The following GOLGA8A variants were observed in gnomAD, a reference collection of about 807,000 sequenced individuals.
The protein encoded by GOLGA8A is golgin subfamily A member 8A.
A neutral mutation model predicts 22.1 loss-of-function variants in GOLGA8A; 3 were observed. The ratio of observed to expected loss-of-function variants is 0.14; its 90% confidence interval spans 0.06 to 0.35. The LOEUF (loss-of-function observed/expected upper bound fraction) is 0.35. GOLGA8A is among the 10% of genes least tolerant of loss of function. GOLGA8A has a pLI of 1.00. For missense variants in GOLGA8A, 16 were observed against 233.2 expected (o/e 0.07, Z 6.07); for synonymous variants, 7 against 91.7 (o/e 0.08, Z 5.28).
intron 1 of GOLGA8A, among the ~76,000 whole-genome samples, chr15:34,437,167 C>T (rs1424930350): frequency 6.8e-6 from 1 of 147,532 alleles, no homozygotes; most frequent in African/African-American, 2.5e-5. Flanking sequence ...ACCCGCCCGC[C>T]CATCGTGGGA....
chr15:34,427,060 C>T (rs554573577), intron 2 of GOLGA8A, among the ~76,000 whole-genome samples: 9 of 147,808 alleles, frequency 6.1e-5, no homozygotes, highest in South Asian at 4.5e-4. Flanking sequence ...AGGCCGGGCA[C>T]GGTGGCTCAC....
At chr15:34,430,309 C>G (rs1253204481) in intron 2 of GOLGA8A, among the ~76,000 whole-genome samples, 1 of 149,100 alleles carries the variant, frequency 6.7e-6, no homozygotes, top group East Asian at 2.0e-4. Context: ...AAAACGATGA[C>G]ACGCTCCTCT....
intron 2 of GOLGA8A, among the ~76,000 whole-genome samples, chr15:34,435,134 C>T (rs1893443204): frequency 1.3e-5 from 2 of 149,346 alleles, no homozygotes; most frequent in Non-Finnish European, 3.0e-5. Context: ...TGGCAGAGGA[C>T]ACGGAGGAGT....
intron 1 of GOLGA8A, 96 bp downstream of exon 1, chr15:34,437,302 C>A (rs1423490654): frequency 6.9e-6 from 1 of 144,438 alleles, no homozygotes; most frequent in Non-Finnish European, 1.5e-5. Context: ...CCGCAGCTTA[C>A]GCGCCGCCCC....
At chr15:34,430,576 C>A (rs1349365666) in intron 2 of GOLGA8A, among the ~76,000 whole-genome samples, 1 of 149,316 alleles carries the variant, frequency 6.7e-6, no homozygotes, top group Non-Finnish European at 1.5e-5. Flanking sequence ...CATCACTCAG[C>A]TGACAGCTTT....
In GOLGA8A at chr15:34,422,718, C is replaced by T. The variant is rs531602586; in HGVS notation, c.-1123+12665G>A. The stretch of plus-strand genomic sequence containing the variant: ...ACGCTCGCGCTCGTGCGCTTGTGCG[C>T]TCTCTCTCGCTCTCGCTCTCTCTCT... On this transcript the variant is annotated intron_variant, in intron 2 of 24. Coordinates refer to ENST00000359187, the MANE Select transcript of GOLGA8A (RefSeq NM_181077.5). Among the ~76,000 whole-genome samples the T allele has an allele frequency of 2.9e-3, 265 of 91,228 alleles. 32 individuals are homozygous for T. The highest frequency in any genetic ancestry group is 7.4e-3 in the African/African-American group (253 of 34,358). 59.8% of individuals were successfully genotyped at this position (91,228 alleles called of 152,430 possible).
intron 2 of GOLGA8A, among the ~76,000 whole-genome samples, chr15:34,425,035 C>T (rs376780049): frequency 6.8e-6 from 1 of 146,428 alleles, no homozygotes; most frequent in African/African-American, 2.5e-5. Flanking sequence ...TGCAATGAGC[C>T]GTGTTCGCAC....
intron 2 of GOLGA8A, 78 bp downstream of exon 2, chr15:34,435,305 G>A (rs182917168): frequency 6.7e-6 from 1 of 149,538 alleles, no homozygotes; most frequent in East Asian, 2.0e-4. Context: ...GACTTCCTCA[G>A]TTTTGTCTAG....
In GOLGA8A at chr15:34,381,184, A is replaced by G. The variant is rs1891469372; in HGVS notation, c.*227T>C. The G allele has an allele frequency of 2.6e-6, 2 of 763,060 alleles. No homozygotes were observed. The highest frequency in any genetic ancestry group is 2.7e-5 in the East Asian group (1 of 36,458). 47.3% of individuals were successfully genotyped at this position (763,060 alleles called of 1,614,324 possible). ...GCTAATGACCTACAATTATGAAATG[A>G]AAAAAGAAAAATGCTGAAGGATGCC... On this transcript the variant is annotated 3_prime_UTR_variant, in exon 25 of 25. Transcript: ENST00000359187.
In GOLGA8A at chr15:34,381,053, A is replaced by G; in HGVS notation, c.*358T>C. 1 of 379,174 alleles carries G rather than the reference A, an allele frequency of 2.6e-6. No homozygotes were observed. The highest frequency in any genetic ancestry group is 5.0e-6 in the Non-Finnish European group (1 of 199,546). The allele number at this position is 379,174 out of a possible 1,614,324, so 23.5% of individuals were successfully genotyped here. A position where few individuals can be genotyped will look rare whatever the true frequency, so the allele number is the denominator to read the frequency against. ...TGGACATCCATGCTGCAATAACATT[A>G]GAAAAGCACGGGAGCCTATTCCAAA... On this transcript the variant is annotated 3_prime_UTR_variant, in exon 25 of 25. Transcript: ENST00000359187.
At chr15:34,437,289 G>T (rs1161383594) in intron 1 of GOLGA8A, 109 bp downstream of exon 1, 2 of 144,942 alleles carry the variant, frequency 1.4e-5, no homozygotes, top group African/African-American at 5.1e-5. Context: ...GGGAGCTCTT[G>T]GCCCGCAGCT....
chr15:34,436,145 G>C (rs1595674698), intron 1 of GOLGA8A, among the ~76,000 whole-genome samples: 1 of 148,942 alleles, frequency 6.7e-6, no homozygotes, highest in South Asian at 2.2e-4. Context: ...TCACTGGAGG[G>C]ACCCTGACCC....
intron 2 of GOLGA8A, among the ~76,000 whole-genome samples, chr15:34,431,856 C>T (rs1893269601): frequency 6.7e-6 from 1 of 148,708 alleles, no homozygotes; most frequent in Non-Finnish European, 1.5e-5. Context: ...TGTCACTAGG[C>T]AATAGGAATT....
At chr15:34,434,313 G>T (rs1383678037) in intron 2 of GOLGA8A, among the ~76,000 whole-genome samples, 1 of 149,686 alleles carries the variant, frequency 6.7e-6, no homozygotes, top group African/African-American at 2.5e-5. Context: ...TGCAGACTCA[G>T]GGGTACCCCA....
At chr15:34,427,808 C>T (rs543920206) in intron 2 of GOLGA8A, among the ~76,000 whole-genome samples, 1 of 148,152 alleles carries the variant, frequency 6.7e-6, no homozygotes, top group East Asian at 2.0e-4. Flanking sequence ...ACTCCCCAGC[C>T]CATCAGGTCA....
At chr15:34,435,793 A>C (rs79184910) in intron 1 of GOLGA8A, among the ~76,000 whole-genome samples, 11,933 of 148,858 alleles carry the variant, frequency 0.08, 1,394 homozygotes, top group East Asian at 0.16. Context: ...CCCAGCCCAG[A>C]GAGGGAGCCC....
chr15:34,436,374 C>G (rs1216247742), intron 1 of GOLGA8A, among the ~76,000 whole-genome samples: 1 of 149,894 alleles, frequency 6.7e-6, no homozygotes, highest in African/African-American at 2.5e-5. Context: ...AAGTGCCAGA[C>G]ACAAGATGCC....
chr15:34,432,951 C>T (rs570318894), intron 2 of GOLGA8A, among the ~76,000 whole-genome samples: 1 of 148,966 alleles, frequency 6.7e-6, no homozygotes, highest in Admixed American at 6.8e-5. Flanking sequence ...AATATTGCAT[C>T]TCGTCTGTGC....
At chr15:34,412,432 G>A (rs1204682108) in intron 2 of GOLGA8A, among the ~76,000 whole-genome samples, 1 of 149,666 alleles carries the variant, frequency 6.7e-6, no homozygotes, top group African/African-American at 2.4e-5. Context: ...GGCTGTGCAC[G>A]TCAGGGAGCC....
Sources: allele counts gnomAD v4.1 joint callset (sites outside exome capture counted in the v4.1 genomes callset), GRCh38; gene constraint gnomAD v4.1.1; transcripts MANE v1.5; gene names NCBI Gene and HGNC (gene_info 2026-07-23, HGNC 2026-07-21).